Variants in CACNA2D1 observed in about 807,000 individuals in gnomAD.
The protein encoded by CACNA2D1 is calcium voltage-gated channel auxiliary subunit alpha2delta 1.
CACNA2D1 carries 53 observed loss-of-function variants against 171.5 expected under a neutral mutation model. The ratio of observed to expected loss-of-function variants is 0.31; its 90% CI spans 0.25 to 0.39. The LOEUF (loss-of-function observed/expected upper bound fraction) is 0.39, where lower values mean the gene tolerates loss of function less well. Ranked by LOEUF, CACNA2D1 falls within the 10% of genes least tolerant of loss-of-function variation. The pLI, the probability that CACNA2D1 is intolerant of heterozygous loss-of-function variation, is 1.00. For missense variants in CACNA2D1, 903 were observed against 1,299.8 expected, an observed-to-expected ratio of 0.69 and a Z score of 4.69; for synonymous variants, 442 against 443.1, an observed-to-expected ratio of 1.00 and a Z score of 0.03.
intron 1 of CACNA2D1, among the ~76,000 whole-genome samples, chr7:82,387,496 C>T (rs1824541302): frequency 1.3e-5 from 2 of 152,252 alleles, no homozygotes; most frequent in East Asian, 1.9e-4. Flanking sequence ...TTTAACGTGT[C>T]TTTAAATTCA....
chr7:82,133,942 G>T, intron 5 of CACNA2D1, among the ~76,000 whole-genome samples: 1 of 152,036 alleles, frequency 6.6e-6, no homozygotes, highest in African/African-American at 2.4e-5. Context: ...GCATGGTGGC[G>T]GGCGCCTGTA....
intron 3 of CACNA2D1, among the ~76,000 whole-genome samples, chr7:82,233,218 A>G (rs1162712882): frequency 6.6e-6 from 1 of 152,202 alleles, no homozygotes; most frequent in Non-Finnish European, 1.5e-5. Context: ...TTCAAACATT[A>G]TTTTATTCTT....
chr7:82,282,233 G>A (rs1810209053), intron 3 of CACNA2D1, among the ~76,000 whole-genome samples: 1 of 152,180 alleles, frequency 6.6e-6, no homozygotes, highest in Non-Finnish European at 1.5e-5. Context: ...AGGAGGCGGA[G>A]GTTGCAGTAA....
chr7:82,421,225 C>A (rs907817044), intron 1 of CACNA2D1, among the ~76,000 whole-genome samples: 1 of 152,138 alleles, frequency 6.6e-6, no homozygotes, highest in African/African-American at 2.4e-5. Flanking sequence ...CTTTCAAAAC[C>A]TGCTCCATGA....
chr7:82,222,165 G>T (rs564788056), intron 3 of CACNA2D1, among the ~76,000 whole-genome samples: 93 of 152,292 alleles, frequency 6.1e-4, no homozygotes, highest in African/African-American at 2.1e-3. Context: ...GCCCAAACAT[G>T]CTGTTCAAAG....
intron 3 of CACNA2D1, among the ~76,000 whole-genome samples, chr7:82,331,150 GA>G (rs1817257985): frequency 6.6e-6 from 1 of 151,968 alleles, no homozygotes; most frequent in Non-Finnish European, 1.5e-5. Context: ...TTTCTTCATT[GA>G]AAAATGAGAC....
intron 1 of CACNA2D1, among the ~76,000 whole-genome samples, chr7:82,357,247 C>T (rs1019345474): frequency 6.6e-6 from 1 of 152,080 alleles, no homozygotes; most frequent in Non-Finnish European, 1.5e-5. Context: ...GTTCAGTAAA[C>T]TCTTTATTTT....
intron 3 of CACNA2D1, among the ~76,000 whole-genome samples, chr7:82,239,080 T>A (rs1803946515): frequency 6.6e-6 from 1 of 152,146 alleles, no homozygotes. Context: ...TAGTAATGAC[T>A]GTGCTTATCT....
At position 82,125,608 on chromosome 7, in the gene CACNA2D1, T is replaced by C. The variant is rs116802764; in HGVS notation, c.397-8435A>G. Among the ~76,000 whole-genome samples the C allele has an allele frequency of 6.4e-3, 971 of 152,254 alleles. 16 individuals carry two copies. Among genetic ancestry groups the C allele is most frequent in the African/African-American group, 0.022 (921 of 41,548 alleles). On this transcript the variant is annotated intron_variant, in intron 5 of 38. Transcript: ENST00000356860. Reference sequence around the variant, plus strand: ...TCTGAATAAACAGAGCCAGAAATGATGGCAAGTGCCCGTAGTGCCAGCTAC... The same window carrying C: ...TCTGAATAAACAGAGCCAGAAATGACGGCAAGTGCCCGTAGTGCCAGCTAC...
intron 4 of CACNA2D1, among the ~76,000 whole-genome samples, chr7:82,148,712 A>G (rs1336322221): frequency 6.6e-6 from 1 of 152,152 alleles, no homozygotes; most frequent in Non-Finnish European, 1.5e-5. Context: ...ATCTCGGCTC[A>G]GTGCAACCTC....
chr7:82,270,136 C>T (rs992509380), intron 3 of CACNA2D1, among the ~76,000 whole-genome samples: 3 of 152,128 alleles, frequency 2.0e-5, no homozygotes, highest in African/African-American at 7.2e-5. Context: ...AATTCTTCAG[C>T]TGTTCTCTCC....
At chr7:82,282,704 T>G (rs3757633) in intron 3 of CACNA2D1, among the ~76,000 whole-genome samples, 96,054 of 142,330 alleles carry the variant, frequency 0.67, 32,860 homozygotes, top group African/African-American at 0.86. Context: ...TTGTAAAATG[T>G]GGGGGGGGGA....
At chr7:81,986,607 A>G (rs1484490440) in intron 21 of CACNA2D1, among the ~76,000 whole-genome samples, 1 of 152,204 alleles carries the variant, frequency 6.6e-6, no homozygotes. Context: ...ATTTAATTAT[A>G]CAATAAAGAT....
intron 1 of CACNA2D1, among the ~76,000 whole-genome samples, chr7:82,440,278 T>A (rs961553204): frequency 7.2e-5 from 11 of 151,878 alleles, no homozygotes; most frequent in African/African-American, 2.2e-4. Context: ...ATATATTTTT[T>A]AATTGCATTT....
In CACNA2D1 at chr7:82,159,675, C is replaced by T. The variant is rs528285883; in HGVS notation, c.354+10875G>A. Among the ~76,000 whole-genome samples, 15 of 149,116 alleles carry T rather than the reference C, an allele frequency of 1.0e-4. 1 individual carries two copies. The highest frequency in any genetic ancestry group is 8.5e-4 in the South Asian group (4 of 4,688). The stretch of plus-strand genomic sequence containing the variant: ...GGGTTCAGAATCTGATGTTATGAAC[C>T]GATATAAGTTGACAAGGAAGTTGCC... On this transcript the variant is annotated intron_variant, in intron 4 of 38. Transcript: ENST00000356860.
chr7:82,341,330 T>G (rs1293549157), intron 2 of CACNA2D1, among the ~76,000 whole-genome samples: 1 of 152,162 alleles, frequency 6.6e-6, no homozygotes, highest in Non-Finnish European at 1.5e-5. Flanking sequence ...TGTTGAGAAA[T>G]GTGAAGATTC....
chr7:82,249,099 G>A (rs1304197372), intron 3 of CACNA2D1, among the ~76,000 whole-genome samples: 3 of 149,824 alleles, frequency 2.0e-5, no homozygotes, highest in Non-Finnish European at 4.4e-5. Context: ...CTGGGTGACA[G>A]AGTGAGACTC....
At chr7:82,071,819 T>C (rs544124767) in intron 7 of CACNA2D1, among the ~76,000 whole-genome samples, 1 of 152,178 alleles carries the variant, frequency 6.6e-6, no homozygotes, top group Non-Finnish European at 1.5e-5. Flanking sequence ...AGATAGGATG[T>C]GAGCAAAAGT....
intron 7 of CACNA2D1, among the ~76,000 whole-genome samples, chr7:82,081,396 A>G (rs1477753423): frequency 2.0e-5 from 3 of 152,190 alleles, no homozygotes; most frequent in Non-Finnish European, 4.4e-5. Flanking sequence ...TAAAGTTATG[A>G]CATTGTCTCA....
Sources: gnomAD v4.1 joint callset for allele counts (sites outside exome capture counted in the v4.1 genomes callset) on GRCh38, gnomAD v4.1.1 for gene constraint, MANE v1.5 for transcripts, NCBI Gene and HGNC (gene_info 2026-07-23, HGNC 2026-07-21) for gene names.